The following CSMD1 variants were observed in gnomAD, a reference collection of about 807,000 sequenced individuals.
The protein encoded by CSMD1 is CUB and Sushi multiple domains 1.
A neutral mutation model predicts 417.5 loss-of-function variants in CSMD1; 213 were observed. The ratio of observed to expected loss-of-function variants is 0.51; its 90% CI spans 0.46 to 0.57. CSMD1 has a LOEUF of 0.57. Among genes scored for constraint, CSMD1 ranks in the 20% least tolerant of loss-of-function variants. The pLI is 0.00. For missense variants in CSMD1, 6,923 were observed against 4,529.7 expected (o/e 1.53, Z -15.17); for synonymous variants, 2,862 against 1,736.8 (o/e 1.65, Z -16.11).
At chr8:4,651,821 C>G (rs1471749838) in intron 1 of CSMD1, among the ~76,000 whole-genome samples, 1 of 152,132 alleles carries the variant, frequency 6.6e-6, no homozygotes, top group Non-Finnish European at 1.5e-5. Flanking sequence ...TTTACTGAAC[C>G]AAACAGAGAG....
chr8:4,432,958 C>A (rs1554474885), intron 2 of CSMD1, among the ~76,000 whole-genome samples: 2 of 152,178 alleles, frequency 1.3e-5, no homozygotes, highest in Non-Finnish European at 1.5e-5. Context: ...CTCACGTTAC[C>A]AGCTGAGCTC....
intron 1 of CSMD1, among the ~76,000 whole-genome samples, chr8:4,980,897 G>A (rs1014942557): frequency 5.4e-5 from 8 of 149,076 alleles, no homozygotes; most frequent in Non-Finnish European, 8.9e-5. Context: ...AAGTGAGACT[G>A]TCTCGAAAAA....
intron 6 of CSMD1, among the ~76,000 whole-genome samples, chr8:3,745,379 G>A (rs1233006931): frequency 6.6e-6 from 1 of 152,128 alleles, no homozygotes; most frequent in African/African-American, 2.4e-5. Flanking sequence ...ACCAGCAGGA[G>A]GGAACCCTCT....
At position 4,265,510 on chromosome 8, in the gene CSMD1, A is replaced by G. The variant is rs547917224; in HGVS notation, c.415+154443T>C. On this transcript the variant is annotated intron_variant, in intron 3 of 69. Coordinates refer to ENST00000635120, the MANE Select transcript of CSMD1 (RefSeq NM_033225.6). ...TGGAACCTGTTTCAAAAATAGCAAA[A>G]TTTAATAGTACAATTTAAAAATTAT... Among the ~76,000 whole-genome samples, 27 of 105,064 alleles carry G rather than the reference A, an allele frequency of 2.6e-4. 10 individuals are homozygous for G. Among genetic ancestry groups the G allele is most frequent in the South Asian group, 7.4e-4 (2 of 2,706 alleles). The allele number at this position is 105,064 out of a possible 152,430, so 68.9% of individuals were successfully genotyped here. A position where few individuals can be genotyped will look rare whatever the true frequency, so the allele number is the denominator to read the frequency against.
chr8:4,772,572 T>G (rs566688564), intron 1 of CSMD1, among the ~76,000 whole-genome samples: 1 of 152,222 alleles, frequency 6.6e-6, no homozygotes, highest in Non-Finnish European at 1.5e-5. Flanking sequence ...TAAAGTGTAT[T>G]GAAAAATATC....
chr8:3,359,041 C>A (rs955213378), intron 21 of CSMD1, 111 bp downstream of exon 21: 4 of 976,388 alleles, frequency 4.1e-6, no homozygotes, highest in East Asian at 2.5e-5. Flanking sequence ...CACTTTCACC[C>A]TCTCCTTCCT....
At position 2,937,383 on chromosome 8, in the gene CSMD1, C is replaced by A. The variant is rs1416771924; in HGVS notation, c.*1202G>T. 2.1e-5 allele frequency: 3 copies of A among 146,220 alleles called. No individual in the cohort carries two copies. Among genetic ancestry groups the A allele is most frequent in the Non-Finnish European group, 3.0e-5 (2 of 67,340 alleles). 9.1% of individuals were successfully genotyped at this position (146,220 alleles called of 1,614,324 possible). The stretch of plus-strand genomic sequence containing the variant: ...AATTTTCACTGAGTTCAAGGTGCTA[C>A]TGTGGTATATTGTCTTTCAATGCAA... On this transcript the variant is annotated 3_prime_UTR_variant, in exon 70 of 70. Transcript: ENST00000635120.
At chr8:3,712,600 CA>C (rs1458740515) in intron 6 of CSMD1, among the ~76,000 whole-genome samples, 1 of 152,176 alleles carries the variant, frequency 6.6e-6, no homozygotes, top group Non-Finnish European at 1.5e-5. Flanking sequence ...TGATTGATGA[CA>C]AAACATAGCT....
chr8:4,327,979 A>G (rs948351643), intron 3 of CSMD1, among the ~76,000 whole-genome samples: 5 of 152,214 alleles, frequency 3.3e-5, no homozygotes, highest in Non-Finnish European at 5.9e-5. Context: ...TTCTTGTTTT[A>G]ACATTTACCA....
rs114535052 is a variant in CSMD1, at chr8:2,981,297, T to A, written c.8378-2497A>T. Among the ~76,000 whole-genome samples the A allele has an allele frequency of 8.6e-3, 1,303 of 152,326 alleles. 18 individuals carry two copies. The highest frequency in any genetic ancestry group is 0.028 in the African/African-American group (1,150 of 41,552). ...GTTTTGTCATTTTCTATGTGAACAA[T>A]TCCTATCCAGGGATCTGATGGAAAG... On this transcript the variant is annotated intron_variant, in intron 54 of 69. Transcript: ENST00000635120.
At chr8:3,825,554 G>C (rs937686897) in intron 5 of CSMD1, among the ~76,000 whole-genome samples, 1 of 149,522 alleles carries the variant, frequency 6.7e-6, no homozygotes, top group African/African-American at 2.5e-5. Context: ...AGGGGTGTGG[G>C]GCTGAGGGTG....
chr8:4,858,340 T>G (rs2116862572), intron 1 of CSMD1, among the ~76,000 whole-genome samples: 1 of 151,874 alleles, frequency 6.6e-6, no homozygotes. Context: ...AAGCATTCCC[T>G]TTGAAAACGG....
At chr8:3,266,729 T>C (rs1175462307) in intron 26 of CSMD1, among the ~76,000 whole-genome samples, 1 of 149,914 alleles carries the variant, frequency 6.7e-6, no homozygotes, top group Non-Finnish European at 1.5e-5. Context: ...GAGCTGAGAT[T>C]ATACCACTGC....
intron 3 of CSMD1, among the ~76,000 whole-genome samples, chr8:4,247,577 T>G (rs968056231): frequency 6.6e-6 from 1 of 152,168 alleles, no homozygotes; most frequent in Non-Finnish European, 1.5e-5. Flanking sequence ...AATACCACCA[T>G]TCTTGTTAAA....
At chr8:3,588,482 AG>A (rs953434013) in intron 8 of CSMD1, among the ~76,000 whole-genome samples, 1 of 152,050 alleles carries the variant, frequency 6.6e-6, no homozygotes, top group Non-Finnish European at 1.5e-5. Context: ...TCAAACAGAA[AG>A]GGAGGGATGG....
chr8:4,812,944 C>T (rs1039433488), intron 1 of CSMD1, among the ~76,000 whole-genome samples: 7 of 152,082 alleles, frequency 4.6e-5, no homozygotes, highest in African/African-American at 1.2e-4. Flanking sequence ...CATTTCTTGA[C>T]AAAAATGTAA....
chr8:3,339,027 T>A (rs565026861), intron 23 of CSMD1, among the ~76,000 whole-genome samples: 1 of 126,812 alleles, frequency 7.9e-6, no homozygotes, highest in Non-Finnish European at 1.6e-5. Context: ...GATATTCCCC[T>A]TCCTGTGTCC....
chr8:3,969,193 T>G (rs758936132), intron 5 of CSMD1, among the ~76,000 whole-genome samples: 10 of 152,160 alleles, frequency 6.6e-5, no homozygotes, highest in Non-Finnish European at 1.3e-4. Context: ...GTGGTTGCAG[T>G]GAGCCTAGAT....
At chr8:3,443,914 TGA>T (rs200516478) in intron 12 of CSMD1, among the ~76,000 whole-genome samples, 1 of 152,310 alleles carries the variant, frequency 6.6e-6, no homozygotes, top group East Asian at 1.9e-4. Flanking sequence ...TGAGAAATTA[TGA>T]GATATTCTAA....
Sources: gnomAD v4.1 joint callset for allele counts (sites outside exome capture counted in the v4.1 genomes callset) on GRCh38, gnomAD v4.1.1 for gene constraint, MANE v1.5 for transcripts, NCBI Gene and HGNC (gene_info 2026-07-23, HGNC 2026-07-21) for gene names.